MICAL3: variants seen among roughly 807,000 people sequenced by gnomAD.
MICAL3 encodes [F-actin]-monooxygenase MICAL3.
In MICAL3, 62 loss-of-function variants were observed where a neutral mutation model predicts 207.4. That is an observed-to-expected ratio of 0.30 (90% CI 0.24 to 0.37). MICAL3 has a LOEUF of 0.37. Among genes scored for constraint, MICAL3 ranks in the 10% least tolerant of loss-of-function variants. The probability of loss-of-function intolerance (pLI) is 1.00; values close to 1 mark genes in which losing one functional copy is unlikely to be tolerated. For missense variants in MICAL3, 2,368 were observed against 2,635.6 expected, an observed-to-expected ratio of 0.90 and a Z score of 2.22; for synonymous variants, 1,077 against 1,069.3, an observed-to-expected ratio of 1.01 and a Z score of -0.14.
chr22:17,958,620 A>T (rs1934742444), intron 1 of MICAL3, among the ~76,000 whole-genome samples: 1 of 152,166 alleles, frequency 6.6e-6, no homozygotes, highest in South Asian at 2.1e-4. Context: ...AGTAGCCAGC[A>T]GGGCCAGAAC....
At chr22:17,910,504 T>TTTA (rs1428076128) in intron 1 of MICAL3, among the ~76,000 whole-genome samples, 4 of 152,166 alleles carry the variant, frequency 2.6e-5, no homozygotes, top group Admixed American at 2.6e-4. Flanking sequence ...GCAGGCAAGT[T>TTTA]TTAATTCCCC....
chr22:18,021,568 C>T (rs1924479323), intron 1 of MICAL3, among the ~76,000 whole-genome samples: 3 of 152,160 alleles, frequency 2.0e-5, no homozygotes, highest in Non-Finnish European at 4.4e-5. Context: ...TATGCACAGA[C>T]TAGAAAAGCA....
chr22:17,820,304 T>C (rs5992110), intron 25 of MICAL3, among the ~76,000 whole-genome samples: 49,654 of 152,046 alleles, frequency 0.33, 8,504 homozygotes, highest in African/African-American at 0.36. Context: ...CAGTTGGCTT[T>C]GCAGCATTCT....
chr22:17,793,595 C>A lies in MICAL3; in HGVS notation c.5651-2294G>T, dbSNP rs766227793. 1 of 152,290 alleles carries A rather than the reference C, an allele frequency of 6.6e-6. No individual in the cohort carries two copies. Among genetic ancestry groups the A allele is most frequent in the African/African-American group, 2.4e-5 (1 of 41,428 alleles). 9.4% of individuals were successfully genotyped at this position (152,290 alleles called of 1,614,324 possible). On this transcript the variant is annotated intron_variant, in intron 29 of 31. Transcript: ENST00000441493. This position sits in a 1 kb window ranked among gnomAD's most constrained non-coding sequence, Gnocchi z 4.1. ...TTTAGAAACTGCCACAGACTCATGA[C>A]ATTTTGTAACAGGACTATTGAGGGT...
At chr22:17,894,796 CAAAAAAA>C (rs549154429) in intron 10 of MICAL3, among the ~76,000 whole-genome samples, 1 of 78,324 alleles carries the variant, frequency 1.3e-5, no homozygotes, top group Non-Finnish European at 3.1e-5. Flanking sequence ...GATTCCATCT[CAAAAAAA>C]AAAAAAAAAA....
chr22:17,837,301 AT>A (rs2146059125), intron 20 of MICAL3, among the ~76,000 whole-genome samples: 1 of 152,276 alleles, frequency 6.6e-6, no homozygotes, highest in Admixed American at 6.5e-5. Context: ...TCGTGGTGTT[AT>A]TCTGAAAGAG....
intron 1 of MICAL3, among the ~76,000 whole-genome samples, chr22:18,002,225 A>G (rs1923081648): frequency 1.3e-5 from 2 of 151,714 alleles, no homozygotes; most frequent in Non-Finnish European, 2.9e-5. Flanking sequence ...AATAAAGGAG[A>G]CTTGTTTGTT....
chr22:17,961,779 C>G (rs955405381), intron 1 of MICAL3, among the ~76,000 whole-genome samples: 1 of 152,196 alleles, frequency 6.6e-6, no homozygotes. Flanking sequence ...AGAGTTAGCG[C>G]CCCTTCCAAG....
chr22:17,973,449 G>C (rs1479787686), intron 1 of MICAL3, among the ~76,000 whole-genome samples: 1 of 152,204 alleles, frequency 6.6e-6, no homozygotes, highest in African/African-American at 2.4e-5. Context: ...ATGAGGCCCA[G>C]GACGGAGCCA....
chr22:18,003,516 A>G (rs5992962), intron 1 of MICAL3, among the ~76,000 whole-genome samples: 48,536 of 151,994 alleles, frequency 0.32, 8,093 homozygotes, highest in East Asian at 0.5. Flanking sequence ...CCCTAACTCA[A>G]TCTGTGACAA....
intron 1 of MICAL3, among the ~76,000 whole-genome samples, chr22:17,953,582 G>C (rs1310015496): frequency 1.3e-5 from 2 of 152,046 alleles, no homozygotes; most frequent in African/African-American, 4.8e-5. Flanking sequence ...CAGGGCGGGG[G>C]ACATCAATAC....
intron 28 of MICAL3, among the ~76,000 whole-genome samples, chr22:17,810,270 A>T (rs187834492): frequency 6.6e-6 from 1 of 151,878 alleles, no homozygotes; most frequent in Non-Finnish European, 1.5e-5. Context: ...TCACCGTGTT[A>T]GCCAGGATGG....
intron 1 of MICAL3, among the ~76,000 whole-genome samples, chr22:17,989,924 A>G (rs1300597281): frequency 6.6e-6 from 1 of 152,092 alleles, no homozygotes; most frequent in Non-Finnish European, 1.5e-5. Flanking sequence ...TTTCTTCCCC[A>G]TAACTGTTGT....
chr22:17,875,420 GT>G (rs1448359582), intron 16 of MICAL3: 7 of 1,429,734 alleles, frequency 4.9e-6, no homozygotes, highest in Non-Finnish European at 6.6e-6. Flanking sequence ...GGAGGGCAGA[GT>G]TTTAGTGAGT....
chr22:17,972,489 C>T (rs1016221030), intron 1 of MICAL3, among the ~76,000 whole-genome samples: 1 of 152,160 alleles, frequency 6.6e-6, no homozygotes, highest in African/African-American at 2.4e-5. Flanking sequence ...GACAGCAAGG[C>T]ACATCGGGGA....
chr22:17,974,542 T>A (rs1451385802), intron 1 of MICAL3, among the ~76,000 whole-genome samples: 4 of 152,072 alleles, frequency 2.6e-5, no homozygotes, highest in African/African-American at 9.7e-5. Flanking sequence ...CTGGCCAACA[T>A]GGCAAAACCT....
At chr22:17,812,036 AC>A (rs1446853485) in intron 27 of MICAL3, among the ~76,000 whole-genome samples, 4 of 152,244 alleles carry the variant, frequency 2.6e-5, no homozygotes, top group Non-Finnish European at 5.9e-5. Context: ...GGTGTGAGCC[AC>A]CATACCTGGC....
intron 1 of MICAL3, among the ~76,000 whole-genome samples, chr22:17,967,234 T>C (rs1935181526): frequency 6.6e-6 from 1 of 152,234 alleles, no homozygotes; most frequent in African/African-American, 2.4e-5. Flanking sequence ...CTTTATGTGA[T>C]AGAGGCTATT....
At chr22:17,866,442 G>A (rs1401951955) in intron 17 of MICAL3, among the ~76,000 whole-genome samples, 5 of 152,190 alleles carry the variant, frequency 3.3e-5, no homozygotes, top group Non-Finnish European at 5.9e-5. Flanking sequence ...GTGGGGCATC[G>A]CCTGGCATTG....
Sources: allele counts gnomAD v4.1 joint callset (sites outside exome capture counted in the v4.1 genomes callset), GRCh38; gene constraint gnomAD v4.1.1; non-coding constraint Gnocchi (gnomAD v3.1); transcripts MANE v1.5; gene names NCBI Gene and HGNC (gene_info 2026-07-23, HGNC 2026-07-21).